The following ADAMTS20 variants were observed in gnomAD, a reference collection of about 807,000 sequenced individuals.
ADAMTS20 encodes ADAM metallopeptidase with thrombospondin type 1 motif 20.
In ADAMTS20, 225 loss-of-function variants were observed where a neutral mutation model predicts 260.1. The observed-to-expected ratio is 0.87, with a 90% CI of 0.78 to 0.97. ADAMTS20 has a LOEUF of 0.97. Ranked by LOEUF, ADAMTS20 falls within the 50% of genes least tolerant of loss-of-function variation. The probability of loss-of-function intolerance (pLI) is 0.00; values close to 1 mark genes in which losing one functional copy is unlikely to be tolerated. For missense variants in ADAMTS20, 2,400 were observed against 2,337.7 expected (o/e 1.03, Z -0.55); for synonymous variants, 802 against 769.5 (o/e 1.04, Z -0.70).
intron 3 of ADAMTS20, among the ~76,000 whole-genome samples, chr12:43,530,929 T>C (rs1943212329): frequency 1.3e-5 from 2 of 152,008 alleles, no homozygotes; most frequent in Admixed American, 6.6e-5. Context: ...GAAACTATAA[T>C]ATTGATTTAA....
chr12:43,440,058 C>T lies in ADAMTS20; in HGVS notation c.2302G>A (p.Ala768Thr), dbSNP rs531646543. The change falls in exon 17 of 39, where the codon GCT becomes ACT. Residue 768 changes from alanine to threonine, a missense_variant. Transcript: ENST00000389420. ...CCATTGAAAAGAAAATTCCCTTCAG[C>T]GTCAGATAATGCTGTAAAAGAATAA... Reference protein sequence around the residue: ...PDDSYLALSDAEGNFLFNGNF... With the variant: ...PDDSYLALSDTEGNFLFNGNF... The T allele has an allele frequency of 4.6e-5, 71 of 1,554,170 alleles. No individual in the cohort carries two copies. The highest frequency in any genetic ancestry group is 5.7e-5 in the Non-Finnish European group (66 of 1,149,014).
At chr12:43,545,068 TAAGG>T (rs936455932) in intron 2 of ADAMTS20, among the ~76,000 whole-genome samples, 3 of 152,154 alleles carry the variant, frequency 2.0e-5, no homozygotes, top group Non-Finnish European at 2.9e-5. Flanking sequence ...CTGCTCCCAG[TAAGG>T]AAGCACTGAT....
At chr12:43,379,096 A>G (rs1170361832) in intron 31 of ADAMTS20, among the ~76,000 whole-genome samples, 1 of 152,184 alleles carries the variant, frequency 6.6e-6, no homozygotes. Context: ...CTTGGATATC[A>G]TTCAAAGCCT....
chr12:43,471,830 A>G (rs1942268478), intron 7 of ADAMTS20, among the ~76,000 whole-genome samples: 2 of 136,682 alleles, frequency 1.5e-5, no homozygotes, highest in South Asian at 2.7e-4. Flanking sequence ...CCGAAAACCC[A>G]TCTGTACATC....
intron 36 of ADAMTS20, among the ~76,000 whole-genome samples, chr12:43,370,770 G>A (rs1364567839): frequency 6.6e-6 from 1 of 152,110 alleles, no homozygotes; most frequent in Non-Finnish European, 1.5e-5. Flanking sequence ...ACTACCATCT[G>A]TCTTGTTATT....
intron 7 of ADAMTS20, among the ~76,000 whole-genome samples, chr12:43,485,746 A>G (rs1942513403): frequency 6.6e-6 from 1 of 152,162 alleles, no homozygotes; most frequent in Admixed American, 6.5e-5. Flanking sequence ...ATCAACATAC[A>G]CAAATCAGTA....
At chr12:43,391,194 T>G (rs1940588988) in intron 29 of ADAMTS20, among the ~76,000 whole-genome samples, 1 of 152,218 alleles carries the variant, frequency 6.6e-6, no homozygotes, top group Non-Finnish European at 1.5e-5. Context: ...CTCTGGAGTG[T>G]CTTTTATAAG....
chr12:43,356,543 T>C lies in ADAMTS20; in HGVS notation c.5584A>G (p.Ser1862Gly). Reference protein sequence around the residue: ...NLSGTGMKISSTAKWLTQGSY... With the variant: ...NLSGTGMKISGTAKWLTQGSY... ...CCCTGAGTGAGCCACTTTGCTGTGC[T>C]GGATATCTTCATCCCAGTTCCTGAC... Residue 1862 changes from serine (S) to glycine (G), a missense_variant, in exon 38 of 39, where the codon AGC becomes GGC. Physicochemically the swap from Ser to Gly is moderately conservative, Grantham distance 56. Coordinates refer to ENST00000389420, the MANE Select transcript of ADAMTS20 (RefSeq NM_025003.5). 6.2e-7 allele frequency: 1 copy of C among 1,612,366 alleles called. No homozygotes were observed. The highest frequency in any genetic ancestry group is 2.2e-5 in the East Asian group (1 of 44,852).
intron 31 of ADAMTS20, among the ~76,000 whole-genome samples, chr12:43,380,675 TACTC>T (rs900765828): frequency 2.0e-5 from 3 of 152,048 alleles, no homozygotes; most frequent in African/African-American, 4.8e-5. Flanking sequence ...ATATAAAAAA[TACTC>T]AGGAATAAAT....
At chr12:43,549,438 T>C (rs1234335009) in intron 2 of ADAMTS20, among the ~76,000 whole-genome samples, 1 of 152,042 alleles carries the variant, frequency 6.6e-6, no homozygotes, top group Non-Finnish European at 1.5e-5. Context: ...ACCTACTATG[T>C]ACCCACAAAA....
Position 43,501,461 on chromosome 12 carries a change from ACGCG to A in ADAMTS20, c.867+687_867+690del, listed in dbSNP as rs3036316. Among the ~76,000 whole-genome samples the A allele has an allele frequency of 9.1e-3, 1,200 of 131,210 alleles. 19 individuals carry two copies. The highest frequency in any genetic ancestry group is 0.026 in the African/African-American group (956 of 36,432). The allele number at this position is 131,210 out of a possible 152,430, so 86.1% of individuals were successfully genotyped here. ...ATGTCCCAGGGTGGTGGAGGGGGAT[ACGCG>A]CGCGCGCGCGCGCGCGCACACACAC... On this transcript the variant is annotated intron_variant, in intron 4 of 38. Transcript: ENST00000389420.
intron 3 of ADAMTS20, among the ~76,000 whole-genome samples, chr12:43,505,692 T>C (rs1942831383): frequency 6.6e-6 from 1 of 152,224 alleles, no homozygotes; most frequent in African/African-American, 2.4e-5. Context: ...TTATGCACTG[T>C]TGGTAGTGTT....
chr12:43,521,586 T>G (rs1255264723), intron 3 of ADAMTS20, among the ~76,000 whole-genome samples: 1 of 152,190 alleles, frequency 6.6e-6, no homozygotes, highest in South Asian at 2.1e-4. Context: ...CCTCTTATCA[T>G]TCAAAGCCAA....
At chr12:43,507,104 T>G (rs1196515400) in intron 3 of ADAMTS20, among the ~76,000 whole-genome samples, 1 of 152,174 alleles carries the variant, frequency 6.6e-6, no homozygotes, top group Non-Finnish European at 1.5e-5. Flanking sequence ...CTTTTATGTG[T>G]TTTCACCACA....
At position 43,399,114 on chromosome 12, in the gene ADAMTS20, G is replaced by T. The variant is rs756844279; in HGVS notation, c.4404C>A (p.Ala1468=). 6.4e-7 allele frequency: 1 copy of T among 1,550,760 alleles called. No homozygotes were observed. Among genetic ancestry groups the T allele is most frequent in the South Asian group, 1.2e-5 (1 of 83,826 alleles). The change falls in exon 29 of 39, where the codon GCC becomes GCA. Residue 1468 remains alanine (A), a synonymous_variant. Transcript: ENST00000389420. ...ATGAAGGGCATCTGACAGATCTACA[G>T]GCTTTGTGAGTTGGAGGTTTCTGTA... ...SQVQKPPTHK[A]CRSVRCPSWK...
chr12:43,390,628 GT>G (rs1223877946), intron 29 of ADAMTS20, among the ~76,000 whole-genome samples: 1 of 152,082 alleles, frequency 6.6e-6, no homozygotes, highest in Non-Finnish European at 1.5e-5. Flanking sequence ...GTCAGGTTTT[GT>G]TTTTTTGTTT....
At chr12:43,439,478 A>G in intron 18 of ADAMTS20, 144 bp downstream of exon 18, 3 of 951,880 alleles carry the variant, frequency 3.2e-6, no homozygotes, top group Non-Finnish European at 4.5e-6. Context: ...TAGAAAGGAA[A>G]AAAAGATTGA....
intron 31 of ADAMTS20, among the ~76,000 whole-genome samples, chr12:43,381,381 A>G (rs1249611032): frequency 6.6e-6 from 1 of 152,128 alleles, no homozygotes; most frequent in African/African-American, 2.4e-5. Flanking sequence ...ATCAAAGCAT[A>G]CTATTAAGAG....
Position 43,432,666 on chromosome 12 carries a change from G to A in ADAMTS20, c.2866C>T (p.Pro956Ser). ...DHYCGDQLKP[P>S]TQELCHGNCV... ...TTACCATGGCATAGTTCTTGGGTAG[G>A]AGGTTTAAGCTGGTCACCACAGTAG... Residue 956 changes from proline (P) to serine (S), a missense_variant, in exon 20 of 39, where the codon CCT (proline) becomes TCT (serine). Transcript: ENST00000389420. 1 of 1,613,886 alleles carries A rather than the reference G, an allele frequency of 6.2e-7. No individual in the cohort carries two copies. Among genetic ancestry groups the A allele is most frequent in the Non-Finnish European group, 8.5e-7 (1 of 1,179,868 alleles).
Sources: gnomAD v4.1 joint callset for allele counts (sites outside exome capture counted in the v4.1 genomes callset) on GRCh38, gnomAD v4.1.1 for gene constraint, MANE v1.5 for transcripts, NCBI Gene and HGNC (gene_info 2026-07-23, HGNC 2026-07-21) for gene names.